Variants in ZNF169 observed in about 807,000 individuals in gnomAD.
ZNF169 encodes the protein zinc finger protein 169.
Under a neutral mutation model 12.0 loss-of-function variants are expected in ZNF169, and 11 were observed. The observed-to-expected ratio is 0.92, with a 90% CI of 0.58 to 1.52. The LOEUF (loss-of-function observed/expected upper bound fraction) is 1.52. Ranked by LOEUF, ZNF169 falls within the 40% of genes most tolerant of loss-of-function variation. The pLI, the probability that ZNF169 is intolerant of heterozygous loss-of-function variation, is 0.00. For synonymous variants in ZNF169, 302 were observed against 286.5 expected, an observed-to-expected ratio of 1.05 and a Z score of -0.55; for missense variants, 722 against 744.0, an observed-to-expected ratio of 0.97 and a Z score of 0.34.
At chr9:94,298,164 TAA>T (rs746839233) in intron 4 of ZNF169, among the ~76,000 whole-genome samples, 17 of 136,406 alleles carry the variant, frequency 1.2e-4, no homozygotes, top group Non-Finnish European at 1.4e-4. Flanking sequence ...GAGACTCCTT[TAA>T]AAAAAAAAAA....
At chr9:94,276,725 G>A (rs7867183) in intron 1 of ZNF169, among the ~76,000 whole-genome samples, 11,512 of 152,164 alleles carry the variant, frequency 0.076, 603 homozygotes, top group Middle Eastern at 0.13. Context: ...TATTCTATAA[G>A]ATCTATAAGA....
Position 94,301,511 on chromosome 9 carries a change from C to T in ZNF169, c.*141C>T. 7.1e-7 allele frequency: 1 copy of T among 1,417,102 alleles called. No homozygotes were observed. Among genetic ancestry groups the T allele is most frequent in the East Asian group, 2.5e-5 (1 of 39,604 alleles). 87.8% of individuals were successfully genotyped at this position (1,417,102 alleles called of 1,614,324 possible). A position where few individuals can be genotyped will look rare whatever the true frequency, so the allele number is the denominator to read the frequency against. ...TGATTTTTGGTTTACTTTCTATATT[C>T]ACAATTTGTCTTGGCTTGCTAGGGG... On this transcript the variant is annotated 3_prime_UTR_variant, in exon 5 of 5. Transcript: ENST00000395395.
Position 94,292,446 on chromosome 9 carries a change from T to G in ZNF169, c.139T>G (p.Tyr47Asp), listed in dbSNP as rs1247452683. 1 of 1,614,076 alleles carries G rather than the reference T, an allele frequency of 6.2e-7. No homozygotes were observed. Among genetic ancestry groups the G allele is most frequent in the South Asian group, 1.1e-5 (1 of 91,086 alleles). ...GTACAGGGAGGTGATGCTGGAGAACTACAGCCATCTGGTCTCCCTGGGTAA... is the reference window on the plus strand; with the variant it reads ...GTACAGGGAGGTGATGCTGGAGAACGACAGCCATCTGGTCTCCCTGGGTAA... ...TLYREVMLEN[Y>D]SHLVSLGIAF... The change falls in exon 3 of 5, where the codon TAC becomes GAC. Residue 47 changes from tyrosine (Y) to aspartate (D), a missense_variant. Physicochemically the swap from Tyr to Asp is radical, Grantham distance 160. Transcript: ENST00000395395.
At chr9:94,268,236 G>A (rs1014928230) in intron 1 of ZNF169, among the ~76,000 whole-genome samples, 8 of 152,012 alleles carry the variant, frequency 5.3e-5, no homozygotes, top group South Asian at 4.2e-4. Flanking sequence ...AAGTTTTAGG[G>A]TAGCCATAGT....
rs55756013 is a variant in ZNF169, at chr9:94,265,021, G to GTTT, written c.-56+5694_-56+5696dup. Among the ~76,000 whole-genome samples the GTTT allele has an allele frequency of 0.011, 979 of 90,610 alleles. 60 individuals are homozygous for GTTT. In the South Asian group the frequency reaches 0.13, roughly 12 times the overall value. The allele number at this position is 90,610 out of a possible 152,430, so 59.4% of individuals were successfully genotyped here. A position where few individuals can be genotyped will look rare whatever the true frequency, so the allele number is the denominator to read the frequency against. ...TGATGTATATCTCTTTCTGTACCCT[G>GTTT]TTTTTTTTTTTTTTTTTTTTAATAT... On this transcript the variant is annotated intron_variant, in intron 1 of 4. Coordinates refer to ENST00000395395, the MANE Select transcript of ZNF169 (RefSeq NM_194320.4).
Position 94,284,071 on chromosome 9 carries a change from C to CAAAA in ZNF169, c.33+5245_33+5248dup, listed in dbSNP as rs35204508. Among the ~76,000 whole-genome samples the CAAAA allele has an allele frequency of 4.3e-3, 219 of 50,438 alleles. 1 individual carries two copies. Among genetic ancestry groups the CAAAA allele is most frequent in the Non-Finnish European group, 7.7e-3 (199 of 25,808 alleles). 33.1% of individuals were successfully genotyped at this position (50,438 alleles called of 152,430 possible). A position where few individuals can be genotyped will look rare whatever the true frequency, so the allele number is the denominator to read the frequency against. On this transcript the variant is annotated intron_variant, in intron 2 of 4. Transcript: ENST00000395395. ...TGGGCAACAGAGCAAGACTCTGTCT[C>CAAAA]AAAAAAAAAAAAAAAAAAAAAAGGA...
chr9:94,278,713 G>T (rs1830566777), intron 1 of ZNF169, 45 bp from the exon 2 acceptor site: 2 of 1,124,736 alleles, frequency 1.8e-6, no homozygotes, highest in Admixed American at 1.8e-5. Flanking sequence ...AGTGTGAAGG[G>T]TGTTCTTCCC....
intron 2 of ZNF169, among the ~76,000 whole-genome samples, chr9:94,283,301 G>A (rs1333790658): frequency 1.3e-5 from 2 of 152,070 alleles, no homozygotes; most frequent in Non-Finnish European, 2.9e-5. Context: ...CCAGCTACTC[G>A]GAAGGCTGAG....
rs1831080036 is a variant in ZNF169 at position 94,301,586 on chromosome 9, T to C, written c.*216T>C. On this transcript the variant is annotated 3_prime_UTR_variant, in exon 5 of 5. Coordinates refer to ENST00000395395, the MANE Select transcript of ZNF169 (RefSeq NM_194320.4). ...GGGTGATTTTGACAACGGAAATATATTTTCATATTTATGGAGGCTGGAAGT... is the reference window on the plus strand; with the variant it reads ...GGGTGATTTTGACAACGGAAATATACTTTCATATTTATGGAGGCTGGAAGT... The C allele has an allele frequency of 1.2e-6, 1 of 845,928 alleles. No individual in the cohort carries two copies. Among genetic ancestry groups the C allele is most frequent in the East Asian group, 3.0e-5 (1 of 33,284 alleles). The allele number at this position is 845,928 out of a possible 1,614,324, so 52.4% of individuals were successfully genotyped here. A position where few individuals can be genotyped will look rare whatever the true frequency, so the allele number is the denominator to read the frequency against.
intron 1 of ZNF169, among the ~76,000 whole-genome samples, chr9:94,260,525 C>A (rs1351015836): frequency 1.3e-5 from 2 of 152,006 alleles, no homozygotes; most frequent in Non-Finnish European, 2.9e-5. Context: ...GGGTCAGTAG[C>A]CTTGGGGCCT....
intron 4 of ZNF169, chr9:94,295,723 T>C (rs1202592856): frequency 1.3e-5 from 2 of 152,218 alleles, no homozygotes; most frequent in African/African-American, 4.8e-5. Flanking sequence ...GTATCAATAG[T>C]TTATTAATTT....
chr9:94,266,011 G>A (rs376036336), intron 1 of ZNF169, among the ~76,000 whole-genome samples: 4 of 150,944 alleles, frequency 2.6e-5, no homozygotes, highest in Admixed American at 2.0e-4. Context: ...GCCTGAACCC[G>A]GGAGGCAGAG....
At chr9:94,272,211 T>G (rs1830436721) in intron 1 of ZNF169, among the ~76,000 whole-genome samples, 1 of 152,138 alleles carries the variant, frequency 6.6e-6, no homozygotes, top group African/African-American at 2.4e-5. Flanking sequence ...AAATTTTAAT[T>G]TAATCATTTT....
intron 1 of ZNF169, among the ~76,000 whole-genome samples, chr9:94,261,908 A>G (rs957826039): frequency 2.6e-5 from 4 of 152,242 alleles, no homozygotes; most frequent in Non-Finnish European, 5.9e-5. Context: ...GAATTTAAAG[A>G]AAAACAACTT....
chr9:94,301,518 T>G lies in ZNF169; in HGVS notation c.*148T>G. On this transcript the variant is annotated 3_prime_UTR_variant, in exon 5 of 5. Transcript: ENST00000395395. ...TGGTTTACTTTCTATATTCACAATT[T>G]GTCTTGGCTTGCTAGGGGTTCCATA... 7.1e-7 allele frequency: 1 copy of G among 1,400,926 alleles called. No homozygotes were observed. The highest frequency in any genetic ancestry group is 9.4e-7 in the Non-Finnish European group (1 of 1,067,586). 86.8% of individuals were successfully genotyped at this position (1,400,926 alleles called of 1,614,324 possible).
rs372175009 is a variant in ZNF169 at position 94,301,181 on chromosome 9, C to T, written c.1623C>T (p.Pro541=). Residue 541 remains proline (P), a synonymous_variant, in exon 5 of 5, where the codon CCC becomes CCT. Transcript: ENST00000395395. ...SDQRTHSGEK[P]CICDECGRGF... ...AAAGGACACACTCAGGAGAGAAGCC[C>T]TGCATTTGCGATGAATGTGGGCGCG... The T allele has an allele frequency of 3.7e-6, 6 of 1,614,174 alleles. No homozygotes were observed. Among genetic ancestry groups the T allele is most frequent in the Non-Finnish European group, 5.1e-6 (6 of 1,180,032 alleles).
At chr9:94,264,151 T>C (rs559839289) in intron 1 of ZNF169, among the ~76,000 whole-genome samples, 133 of 151,878 alleles carry the variant, frequency 8.8e-4, no homozygotes, top group African/African-American at 3.0e-3. Flanking sequence ...TATTTTATCT[T>C]TTTGAGGTGG....
At chr9:94,286,076 G>A (rs541787587) in intron 2 of ZNF169, among the ~76,000 whole-genome samples, 1 of 152,184 alleles carries the variant, frequency 6.6e-6, no homozygotes, top group South Asian at 2.1e-4. Context: ...CTGGACACTT[G>A]CTTTCTTTAT....
intron 2 of ZNF169, 36 bp from the exon 3 acceptor site, chr9:94,292,305 G>A (rs1371357082): frequency 6.2e-7 from 1 of 1,613,558 alleles, no homozygotes; most frequent in African/African-American, 1.3e-5. Context: ...GGGCATGGCT[G>A]GCTGTTGAGT....
Sources: allele counts gnomAD v4.1 joint callset (sites outside exome capture counted in the v4.1 genomes callset), GRCh38; gene constraint gnomAD v4.1.1; transcripts MANE v1.5; gene names NCBI Gene and HGNC (gene_info 2026-07-23, HGNC 2026-07-21).